MS4A15: variants seen among roughly 807,000 people sequenced by gnomAD.
MS4A15 encodes the protein membrane spanning 4-domains A15, also known as membrane-spanning 4-domains subfamily A member 15.
MS4A15 carries 22 observed loss-of-function variants against 20.6 expected under a neutral mutation model. That is an observed-to-expected ratio of 1.07 (90% CI 0.76 to 1.52). The LOEUF (loss-of-function observed/expected upper bound fraction) is 1.52. Among genes scored for constraint, MS4A15 ranks in the 40% most tolerant of loss-of-function variants. The pLI is 0.00. For synonymous variants in MS4A15, 129 were observed against 129.3 expected (o/e 1.00, Z 0.02); for missense variants, 312 against 323.0 (o/e 0.97, Z 0.26).
intron 6 of MS4A15, among the ~76,000 whole-genome samples, chr11:60,774,793 G>T (rs1363183411): frequency 6.6e-6 from 1 of 152,234 alleles, no homozygotes; most frequent in African/African-American, 2.4e-5. Context: ...CCACAGGGTG[G>T]GGTGCCCTTG....
intron 1 of MS4A15, among the ~76,000 whole-genome samples, chr11:60,758,156 C>T (rs1853638781): frequency 1.3e-5 from 2 of 152,142 alleles, no homozygotes; most frequent in South Asian, 2.1e-4. Context: ...CCCGATACAA[C>T]TTGATATGCT....
chr11:60,761,151 A>T (rs575650515), intron 1 of MS4A15, among the ~76,000 whole-genome samples: 2 of 152,222 alleles, frequency 1.3e-5, no homozygotes, highest in Admixed American at 6.5e-5. Flanking sequence ...CTTGGACGAG[A>T]GGTCGATGGA....
Position 60,763,912 on chromosome 11 carries a change from T to C in MS4A15, c.179T>C (p.Leu60Ser). 3 of 1,613,020 alleles carry C rather than the reference T, an allele frequency of 1.9e-6. No homozygotes were observed. The highest frequency in any genetic ancestry group is 2.5e-6 in the Non-Finnish European group (3 of 1,179,866). ...CCAAGGGCCACACAGCCACCTGACT[T>C]GCGGCCCGTGGAGACATTCCTGACA... Reference protein sequence around the residue: ...QTPRATQPPDLRPVETFLTGE... With the variant: ...QTPRATQPPDSRPVETFLTGE... Residue 60 changes from leucine (L) to serine (S), a missense_variant, in exon 2 of 7, where the codon TTG (leucine) becomes TCG (serine). By Grantham distance (145) the Leu-to-Ser change is moderately radical. Coordinates refer to ENST00000405633, the MANE Select transcript of MS4A15 (RefSeq NM_001098835.2).
Position 60,773,334 on chromosome 11 carries a change from T to G in MS4A15, c.406-58T>G, listed in dbSNP as rs1383332050. On this transcript the variant is annotated intron_variant, in intron 4 of 6. Coordinates refer to ENST00000405633, the MANE Select transcript of MS4A15 (RefSeq NM_001098835.2). ...GGCTGGGCAGCTGAGCCACAGCCCC[T>G]GCCTTTTCTCCTTCTCTTTGCCTAT... is the stretch of plus-strand genomic sequence containing the variant. 2.0e-6 allele frequency: 3 copies of G among 1,471,916 alleles called. No homozygotes were observed. In the African/African-American group the frequency reaches 4.2e-5, roughly 20 times the overall value. 91.2% of individuals were successfully genotyped at this position (1,471,916 alleles called of 1,614,324 possible). A position where few individuals can be genotyped will look rare whatever the true frequency, so the allele number is the denominator to read the frequency against.
chr11:60,772,191 CAG>C (rs1854062353), intron 4 of MS4A15, among the ~76,000 whole-genome samples: 1 of 152,184 alleles, frequency 6.6e-6, no homozygotes, highest in Admixed American at 6.5e-5. Flanking sequence ...CATGGCTGGA[CAG>C]GGGACCAGAG....
At chr11:60,772,836 C>G (rs943433233) in intron 4 of MS4A15, among the ~76,000 whole-genome samples, 3 of 152,146 alleles carry the variant, frequency 2.0e-5, no homozygotes, top group Admixed American at 6.5e-5. Flanking sequence ...GGCCTCTCAG[C>G]CCACCCAGAC....
At position 60,767,531 on chromosome 11, in the gene MS4A15, A is replaced by G; in HGVS notation, c.226-2A>G. The G allele has an allele frequency of 6.6e-7, 1 of 1,521,048 alleles. No homozygotes were observed. The allele number at this position is 1,521,048 out of a possible 1,614,324, so 94.2% of individuals were successfully genotyped here. A position where few individuals can be genotyped will look rare whatever the true frequency, so the allele number is the denominator to read the frequency against. On this transcript the variant is annotated splice_acceptor_variant, in intron 2 of 6. Coordinates refer to ENST00000405633, the MANE Select transcript of MS4A15 (RefSeq NM_001098835.2). LOFTEE classifies it high-confidence loss of function. The stretch of plus-strand genomic sequence containing the variant: ...GGCACTGAGCCTCGGGGCTTCCCGC[A>G]GACGGTGCAGATCCTCATCGGCCTC...
chr11:60,765,852 G>A (rs1475061240), intron 2 of MS4A15, among the ~76,000 whole-genome samples: 4 of 144,244 alleles, frequency 2.8e-5, no homozygotes, highest in Admixed American at 7.1e-5. Context: ...GCCTCAAAGC[G>A]GACCCTGGGA....
At chr11:60,773,711 G>A in intron 5 of MS4A15, 126 bp from the exon 6 acceptor site, 1 of 865,488 alleles carries the variant, frequency 1.2e-6, no homozygotes, top group Non-Finnish European at 1.9e-6. Flanking sequence ...CTGGCGGCAG[G>A]GGGACTGGCT....
At chr11:60,771,586 C>T (rs986042152) in intron 4 of MS4A15, 128 of 1,517,226 alleles carry the variant, frequency 8.4e-5, no homozygotes, top group Non-Finnish European at 1.0e-4. Flanking sequence ...GGTCCATGCT[C>T]ATGGTCATTC....
chr11:60,772,969 A>G (rs1854079833), intron 4 of MS4A15, among the ~76,000 whole-genome samples: 2 of 151,884 alleles, frequency 1.3e-5, no homozygotes, highest in Admixed American at 6.6e-5. Flanking sequence ...CCCTCTCCCA[A>G]CCAGGCCTCA....
At chr11:60,770,787 C>T (rs891714737) in intron 3 of MS4A15, among the ~76,000 whole-genome samples, 1 of 151,582 alleles carries the variant, frequency 6.6e-6, no homozygotes, top group African/African-American at 2.4e-5. Flanking sequence ...CTCACTGCAA[C>T]CTCCGCCTCC....
At chr11:60,766,610 G>C (rs1033193870) in intron 2 of MS4A15, among the ~76,000 whole-genome samples, 2 of 152,214 alleles carry the variant, frequency 1.3e-5, no homozygotes, top group African/African-American at 4.8e-5. Context: ...GCTGTGCCCT[G>C]TGAGGACACT....
intron 4 of MS4A15, chr11:60,771,820 T>C (rs1306933083): frequency 1.7e-6 from 2 of 1,184,146 alleles, no homozygotes; most frequent in Non-Finnish European, 2.1e-6. Flanking sequence ...TGGGGCTGGA[T>C]TGTGGAGGGC....
intron 3 of MS4A15, among the ~76,000 whole-genome samples, chr11:60,770,759 G>A (rs555985173): frequency 1.3e-5 from 2 of 151,554 alleles, no homozygotes; most frequent in South Asian, 4.2e-4. Context: ...AGGCTGGAGT[G>A]CAGTGGCACT....
intron 4 of MS4A15, chr11:60,771,593 A>T (rs755560868): frequency 2.0e-6 from 3 of 1,510,772 alleles, no homozygotes; most frequent in African/African-American, 1.4e-5. Flanking sequence ...GCTCATGGTC[A>T]TTCCGAGAAA....
At chr11:60,769,573 C>T (rs1853979888) in intron 3 of MS4A15, among the ~76,000 whole-genome samples, 1 of 152,110 alleles carries the variant, frequency 6.6e-6, no homozygotes, top group African/African-American at 2.4e-5. Context: ...CCCAGCTGCC[C>T]TCTTGACAAC....
chr11:60,758,915 G>A (rs1853655121), intron 1 of MS4A15, among the ~76,000 whole-genome samples: 2 of 152,344 alleles, frequency 1.3e-5, no homozygotes, highest in South Asian at 2.1e-4. Flanking sequence ...TTAAAACCAC[G>A]CAACAGGCAG....
At chr11:60,766,198 T>G (rs1468882140) in intron 2 of MS4A15, among the ~76,000 whole-genome samples, 3 of 152,138 alleles carry the variant, frequency 2.0e-5, no homozygotes, top group Non-Finnish European at 4.4e-5. Flanking sequence ...CTGGCCAACA[T>G]GGCGAAACCC....
Sources: gnomAD v4.1 joint callset for allele counts (sites outside exome capture counted in the v4.1 genomes callset) on GRCh38, gnomAD v4.1.1 for gene constraint, MANE v1.5 for transcripts, NCBI Gene and HGNC (gene_info 2026-07-23, HGNC 2026-07-21) for gene names.